The following CYREN variants were observed in gnomAD, a reference collection of about 807,000 sequenced individuals.
CYREN encodes the protein cell cycle regulator of non-homologous end joining.
A neutral mutation model predicts 9.7 loss-of-function variants in CYREN; 7 were observed. That is an observed-to-expected ratio of 0.72 (90% CI 0.41 to 1.36). The LOEUF (loss-of-function observed/expected upper bound fraction) is 1.36. Among genes scored for constraint, CYREN ranks in the 40% most tolerant of loss-of-function variants. The pLI, the probability that CYREN is intolerant of heterozygous loss-of-function variation, is 0.01. For synonymous variants in CYREN, 76 were observed against 77.9 expected (o/e 0.98, Z 0.13); for missense variants, 215 against 198.1 (o/e 1.09, Z -0.51).
intron 2 of CYREN, among the ~76,000 whole-genome samples, chr7:135,138,654 T>C (rs995183753): frequency 5.3e-5 from 8 of 151,998 alleles, no homozygotes; most frequent in Non-Finnish European, 8.8e-5. Flanking sequence ...GTAAATTGCA[T>C]GTTGTGGGCA....
At chr7:135,106,288 C>A (rs899864280) in intron 2 of CYREN, among the ~76,000 whole-genome samples, 2 of 152,194 alleles carry the variant, frequency 1.3e-5, no homozygotes, top group African/African-American at 4.8e-5. Context: ...TGAGAGAGGG[C>A]ATCCTTGTCT....
At chr7:135,150,980 T>A (rs753709764) in intron 2 of CYREN, among the ~76,000 whole-genome samples, 1 of 152,238 alleles carries the variant, frequency 6.6e-6, no homozygotes, top group Non-Finnish European at 1.5e-5. Context: ...GAGCTAATAG[T>A]CAACAAAACA....
chr7:135,167,518 C>G, intron 3 of CYREN: 1 of 1,419,468 alleles, frequency 7.0e-7, no homozygotes, highest in Non-Finnish European at 9.2e-7. Flanking sequence ...CACGCATGCC[C>G]TCCCAGGCTT....
At chr7:135,141,603 C>T (rs750018299) in intron 2 of CYREN, among the ~76,000 whole-genome samples, 2 of 151,768 alleles carry the variant, frequency 1.3e-5, no homozygotes, top group South Asian at 2.1e-4. Flanking sequence ...GCTTTGGGGT[C>T]GGTTCACTCC....
intron 2 of CYREN, among the ~76,000 whole-genome samples, chr7:135,134,547 T>C (rs1209586529): frequency 6.6e-6 from 1 of 151,978 alleles, no homozygotes; most frequent in Non-Finnish European, 1.5e-5. Context: ...TTTAACTAGA[T>C]ATATAGGTAA....
upstream of CYREN, among the ~76,000 whole-genome samples, chr7:135,171,278 A>T (rs1830639343): frequency 6.6e-6 from 1 of 151,432 alleles, no homozygotes; most frequent in South Asian, 2.1e-4. Context: ...GAAGAGAGAG[A>T]CCCTCTCATA....
At chr7:135,147,690 G>T in intron 2 of CYREN, 1 of 441,928 alleles carries the variant, frequency 2.3e-6, no homozygotes, top group Non-Finnish European at 4.5e-6. Context: ...CGGCATAGCT[G>T]CTTCCCAAGG....
rs1421447480 is a variant in CYREN at position 135,166,131 on chromosome 7, T to TA, written c.*479dup. 6.5e-6 allele frequency: 1 copy of TA among 153,014 alleles called. No homozygotes were observed. Among genetic ancestry groups the TA allele is most frequent in the East Asian group, 1.9e-4 (1 of 5,222 alleles). The allele number at this position is 153,014 out of a possible 1,614,324, so 9.5% of individuals were successfully genotyped here. A position where few individuals can be genotyped will look rare whatever the true frequency, so the allele number is the denominator to read the frequency against. On this transcript the variant is annotated 3_prime_UTR_variant, in exon 4 of 4. Coordinates refer to ENST00000393114, the MANE Select transcript of CYREN (RefSeq NM_024033.4). ...GGCTGGAGAGGTGGGAGCTCATTGA[T>TA]AGACTCATGATGGAAACTATTTTTG...
intron 2 of CYREN, among the ~76,000 whole-genome samples, chr7:135,136,788 T>C (rs1829354520): frequency 1.3e-5 from 2 of 152,090 alleles, no homozygotes; most frequent in African/African-American, 2.4e-5. Flanking sequence ...CTCTGGAATG[T>C]ATTGTCTTTG....
chr7:135,166,816 G>A lies in CYREN; in HGVS notation c.269C>T (p.Pro90Leu). 1.9e-6 allele frequency: 3 copies of A among 1,614,208 alleles called. No individual in the cohort carries two copies. The highest frequency in any genetic ancestry group is 2.5e-6 in the Non-Finnish European group (3 of 1,180,026). The change falls in exon 4 of 4, where the codon CCA (proline) becomes CTA (leucine). Residue 90 changes from proline (P) to leucine (L), a missense_variant. Pro to Leu is a moderately conservative substitution (Grantham distance 98). Transcript: ENST00000393114. ...CACGGAGCAGGGAGGGGAGTGCTCTGGGTTATCAGCCCCCGCCAGGGCCGG... is the reference window on the plus strand; with the variant it reads ...CACGGAGCAGGGAGGGGAGTGCTCTAGGTTATCAGCCCCCGCCAGGGCCGG... ...EQPALAGADN[P>L]EHSPPCSVSP...
At chr7:135,170,513 T>A (rs1277124213) in intron 1 of CYREN, 139 bp downstream of exon 1, 1 of 152,332 alleles carries the variant, frequency 6.6e-6, no homozygotes, top group Non-Finnish European at 1.5e-5. Context: ...TCCTTCCGAC[T>A]GGAGCGGCCG....
chr7:135,149,609 CTGAAAGTTTGTACAAA>C (rs1477577753), intron 2 of CYREN, among the ~76,000 whole-genome samples: 1 of 152,156 alleles, frequency 6.6e-6, no homozygotes, highest in Non-Finnish European at 1.5e-5. Context: ...ATCTGCCTCC[CTGAAAGTTTGTACAAA>C]TGTTCACATC....
intron 3 of CYREN, 158 bp from the exon 4 acceptor site, chr7:135,167,029 C>T (rs1830204392): frequency 1.0e-6 from 1 of 985,234 alleles, no homozygotes; most frequent in African/African-American, 1.7e-5. Flanking sequence ...CTCTCTTCAC[C>T]CCACTCCTTC....
downstream of CYREN, among the ~76,000 whole-genome samples, chr7:135,161,174 T>C (rs1829926953): frequency 6.6e-6 from 1 of 152,230 alleles, no homozygotes; most frequent in Non-Finnish European, 1.5e-5. The surrounding 1 kb of genome is among the most constrained non-coding windows in gnomAD (Gnocchi z 4.1). Flanking sequence ...TGGCTCGTTT[T>C]GTTTTGCTCT....
intron 2 of CYREN, chr7:135,134,984 GTTTATC>G: frequency 6.4e-7 from 1 of 1,551,170 alleles, no homozygotes; most frequent in Non-Finnish European, 8.7e-7. Context: ...TCATTGGAAA[GTTTATC>G]ACCTCTCAAA....
chr7:135,101,411 T>C (rs1823811259), intron 2 of CYREN: 1 of 343,362 alleles, frequency 2.9e-6, no homozygotes, highest in Non-Finnish European at 5.8e-6. Flanking sequence ...ATAGCTATTT[T>C]AGTCCTGTCT....
chr7:135,133,224 T>A (rs1032241097), intron 2 of CYREN, among the ~76,000 whole-genome samples: 6 of 152,098 alleles, frequency 3.9e-5, no homozygotes, highest in African/African-American at 1.4e-4. Context: ...TCAAAAAAAA[T>A]ACTTGGTTTT....
intron 2 of CYREN, chr7:135,128,883 C>A: frequency 7.3e-7 from 1 of 1,367,754 alleles, no homozygotes; most frequent in Non-Finnish European, 1.0e-6. Flanking sequence ...GGACTTTGAT[C>A]AAGCTCAGCA....
intron 1 of CYREN, among the ~76,000 whole-genome samples, chr7:135,169,863 C>T (rs6969894): frequency 0.48 from 73,480 of 152,070 alleles, 18,054 homozygotes; most frequent in South Asian, 0.65. Context: ...TTTGATAATG[C>T]ATTGCTCATC....
Sources: allele counts gnomAD v4.1 joint callset (sites outside exome capture counted in the v4.1 genomes callset), GRCh38; gene constraint gnomAD v4.1.1; non-coding constraint Gnocchi (gnomAD v3.1); transcripts MANE v1.5; gene names NCBI Gene and HGNC (gene_info 2026-07-23, HGNC 2026-07-21).